Variants in HM13 observed in about 807,000 individuals in gnomAD.
The protein encoded by HM13 is histocompatibility minor 13.
A neutral mutation model predicts 50.0 loss-of-function variants in HM13; 18 were observed. The ratio of observed to expected loss-of-function variants is 0.36; its 90% CI spans 0.25 to 0.53. The LOEUF is 0.53. Among genes scored for constraint, HM13 ranks in the 20% least tolerant of loss-of-function variants. The pLI is 0.90. For missense variants in HM13, 393 were observed against 552.4 expected, an observed-to-expected ratio of 0.71 and a Z score of 2.89; for synonymous variants, 197 against 232.6, an observed-to-expected ratio of 0.85 and a Z score of 1.39.
At chr20:31,527,428 G>A in intron 1 of HM13, 56 bp from the exon 2 acceptor site, 2 of 1,248,116 alleles carry the variant, frequency 1.6e-6, no homozygotes, top group Non-Finnish European at 1.2e-6. Context: ...GCAGAGCCTT[G>A]CAGGAACATA....
intron 2 of HM13, among the ~76,000 whole-genome samples, chr20:31,531,163 G>A (rs948067373): frequency 1.3e-5 from 2 of 151,992 alleles, no homozygotes; most frequent in African/African-American, 4.8e-5. Context: ...TCCTGCCTCA[G>A]CCTCCCAAGT....
At chr20:31,538,567 A>G (rs1983253972) in intron 3 of HM13, 1 of 1,312,630 alleles carries the variant, frequency 7.6e-7, no homozygotes, top group Non-Finnish European at 9.7e-7. Context: ...GAGTAACACC[A>G]GTACCACCTG....
chr20:31,563,182 GCCC>G (rs1433316734), intron 10 of HM13: 2 of 152,340 alleles, frequency 1.3e-5, no homozygotes, highest in Admixed American at 1.3e-4. Flanking sequence ...CCTGAACCCT[GCCC>G]CAAGGCCTGT....
chr20:31,547,568 T>C, intron 4 of HM13: 1 of 1,201,482 alleles, frequency 8.3e-7, no homozygotes, highest in Middle Eastern at 2.1e-4. Flanking sequence ...ACGTCAGTTA[T>C]TAAGGGCATT....
At chr20:31,559,287 G>T (rs1187392008) in intron 8 of HM13, among the ~76,000 whole-genome samples, 2 of 152,158 alleles carry the variant, frequency 1.3e-5, no homozygotes, top group Non-Finnish European at 2.9e-5. Flanking sequence ...TGGGAGCAGC[G>T]ATTTTGCCTA....
At chr20:31,562,173 C>A (rs1057158984) in intron 10 of HM13, among the ~76,000 whole-genome samples, 2 of 152,144 alleles carry the variant, frequency 1.3e-5, no homozygotes, top group Non-Finnish European at 2.9e-5. Flanking sequence ...CCCCTACTCC[C>A]TAGTAGACCA....
intron 8 of HM13, among the ~76,000 whole-genome samples, chr20:31,558,698 C>T (rs1984448218): frequency 1.3e-5 from 2 of 151,826 alleles, no homozygotes; most frequent in South Asian, 2.1e-4. Context: ...GAATTGCAGG[C>T]GTGCACTGCC....
chr20:31,523,135 C>A (rs936146860), intron 1 of HM13, among the ~76,000 whole-genome samples: 3 of 151,820 alleles, frequency 2.0e-5, no homozygotes, highest in Non-Finnish European at 4.4e-5. Flanking sequence ...ACTACGGCCT[C>A]CACCTCCCGG....
At chr20:31,550,180 C>A (rs1157111754) in intron 7 of HM13, 59 bp downstream of exon 7, 3 of 1,278,756 alleles carry the variant, frequency 2.3e-6, no homozygotes, top group South Asian at 1.2e-5. Context: ...GCCATGCCCC[C>A]ACAGCCCGTT....
chr20:31,568,549 T>C (rs911249102), intron 12 of HM13, among the ~76,000 whole-genome samples: 2 of 152,236 alleles, frequency 1.3e-5, no homozygotes, highest in Non-Finnish European at 2.9e-5. Flanking sequence ...CATCTGTAAG[T>C]GGGCACATTC....
At chr20:31,552,653 A>G (rs1272541329) in intron 7 of HM13, among the ~76,000 whole-genome samples, 2 of 152,122 alleles carry the variant, frequency 1.3e-5, no homozygotes, top group African/African-American at 4.8e-5. Flanking sequence ...CCACTTGCTG[A>G]CCGTGTGGCC....
chr20:31,531,509 G>A (rs1292122938), intron 2 of HM13, among the ~76,000 whole-genome samples: 1 of 151,692 alleles, frequency 6.6e-6, no homozygotes, highest in African/African-American at 2.4e-5. Context: ...TGATCCTCCC[G>A]TCTCAGCCTC....
intron 2 of HM13, 121 bp downstream of exon 2, chr20:31,527,703 TTAA>T (rs917619722): frequency 9.2e-5 from 67 of 729,078 alleles, no homozygotes; most frequent in Admixed American, 4.2e-4. Context: ...GAAAGAAAAA[TTAA>T]TAATTCACCC....
chr20:31,568,425 C>A, intron 12 of HM13: 1 of 692,678 alleles, frequency 1.4e-6, no homozygotes, highest in Admixed American at 3.2e-5. Flanking sequence ...GCTTCCTGCC[C>A]TCACCAGTAA....
At chr20:31,566,328 G>A (rs759042576) in intron 11 of HM13, 33 bp downstream of exon 11, 1 of 1,559,978 alleles carries the variant, frequency 6.4e-7, no homozygotes, top group Non-Finnish European at 8.8e-7. Flanking sequence ...TGTCCTCATG[G>A]GCACCAGTGT....
chr20:31,527,352 G>T, intron 1 of HM13, 132 bp from the exon 2 acceptor site: 5 of 613,282 alleles, frequency 8.2e-6, no homozygotes, highest in Admixed American at 3.0e-5. Context: ...AAAAAAAAAT[G>T]GCAAGATCAG....
intron 2 of HM13, among the ~76,000 whole-genome samples, chr20:31,537,525 C>T (rs1252265564): frequency 6.6e-6 from 1 of 152,256 alleles, no homozygotes; most frequent in Non-Finnish European, 1.5e-5. Context: ...ATCAGGGATG[C>T]AGCAAACATG....
intron 1 of HM13, among the ~76,000 whole-genome samples, chr20:31,518,190 C>T (rs1981920483): frequency 6.6e-6 from 1 of 151,812 alleles, no homozygotes; most frequent in Non-Finnish European, 1.5e-5. Context: ...CTGGCACCAC[C>T]ACGCCTGGCT....
chr20:31,533,144 C>T (rs566493610), intron 2 of HM13, among the ~76,000 whole-genome samples: 1 of 152,362 alleles, frequency 6.6e-6, no homozygotes, highest in African/African-American at 2.4e-5. Flanking sequence ...AGCGGCTCTC[C>T]CTCAGCCCTT....
Sources: gnomAD v4.1 joint callset for allele counts (sites outside exome capture counted in the v4.1 genomes callset) on GRCh38, gnomAD v4.1.1 for gene constraint, MANE v1.5 for transcripts, NCBI Gene and HGNC (gene_info 2026-07-23, HGNC 2026-07-21) for gene names.